Variants in ANK2 observed in about 807,000 individuals in gnomAD.
ANK2 encodes ankyrin-2.
ANK2 carries 83 observed loss-of-function variants against 360.5 expected under a neutral mutation model. That is an observed-to-expected ratio of 0.23 (90% CI 0.19 to 0.28). The LOEUF (loss-of-function observed/expected upper bound fraction) is 0.28. ANK2 is among the 10% of genes least tolerant of loss of function. ANK2 has a pLI of 1.00. For synonymous variants in ANK2, 1,740 were observed against 1,759.5 expected, an observed-to-expected ratio of 0.99 and a Z score of 0.28; for missense variants, 4,201 against 4,795.7, an observed-to-expected ratio of 0.88 and a Z score of 3.66.
chr4:113,278,565 A>G lies in ANK2; in HGVS notation c.1881+7A>G. On this transcript the variant is annotated splice_region_variant and intron_variant, in intron 17 of 45. Coordinates refer to ENST00000357077, the MANE Select transcript of ANK2 (RefSeq NM_001148.6). ...CCCTCATGCCACTGCCAAGGTGAGG[A>G]CCACAGAAAAGGATTTACAGGCATA... 6.2e-7 allele frequency: 1 copy of G among 1,613,380 alleles called. No homozygotes were observed. The highest frequency in any genetic ancestry group is 8.5e-7 in the Non-Finnish European group (1 of 1,179,370).
the ANK2 span, among the ~76,000 whole-genome samples, chr4:112,799,409 G>A: frequency 6.6e-6 from 1 of 151,996 alleles, no homozygotes; most frequent in Admixed American, 6.6e-5. Context: ...GTTTTCTAGG[G>A]TAGTGGCACC....
upstream of ANK2, chr4:113,049,589 C>T (rs956083759): frequency 1.5e-5 from 22 of 1,490,314 alleles, no homozygotes; most frequent in South Asian, 2.1e-4. Flanking sequence ...GCAACGTCAC[C>T]GTCCTTACCC....
At position 113,382,789 on chromosome 4, in the gene ANK2, G is replaced by A. The variant is rs1343638889; in HGVS notation, c.*1318G>A. The A allele has an allele frequency of 6.6e-6, 1 of 151,978 alleles. No homozygotes were observed. The highest frequency in any genetic ancestry group is 1.5e-5 in the Non-Finnish European group (1 of 68,004). The allele number at this position is 151,978 out of a possible 1,614,324, so 9.4% of individuals were successfully genotyped here. Reference sequence around the variant, plus strand: ...TGAGCACTTTTCACTTTCCAGCTAGGTCTGTTTTTCAGCTTGCAGACAAGA... The same window carrying A: ...TGAGCACTTTTCACTTTCCAGCTAGATCTGTTTTTCAGCTTGCAGACAAGA... On this transcript the variant is annotated 3_prime_UTR_variant, in exon 46 of 46. Coordinates refer to ENST00000357077, the MANE Select transcript of ANK2 (RefSeq NM_001148.6).
Position 112,823,246 on chromosome 4 carries a change from T to C in ANK2, c.-40+4982T>C, listed in dbSNP as rs987196631. Among the ~76,000 whole-genome samples the C allele has an allele frequency of 1.1e-3, 168 of 152,238 alleles. 1 individual carries two copies. Among genetic ancestry groups the C allele is most frequent in the African/African-American group, 4.0e-3 (165 of 41,460 alleles). On this transcript the variant is annotated intron_variant, in intron 1 of 30. Coordinates refer to the ANK2 transcript ENST00000503271. ...TTTCTACTGGTTGAGTGAGGGTATCTCTTCATTGTAGACATTAAACTGTAG... is the reference window on the plus strand; with the variant it reads ...TTTCTACTGGTTGAGTGAGGGTATCCCTTCATTGTAGACATTAAACTGTAG...
chr4:113,147,580 A>T (rs1872475), intron 1 of ANK2, among the ~76,000 whole-genome samples: 2,250 of 152,286 alleles, frequency 0.015, 70 homozygotes, highest in African/African-American at 0.052. Flanking sequence ...CTACCTTCAG[A>T]AATGATATTC....
the ANK2 span, chr4:112,797,450 C>T: frequency 6.3e-6 from 1 of 159,688 alleles, no homozygotes; most frequent in African/African-American, 2.4e-5. Flanking sequence ...GTAAGACTCC[C>T]TGGAGCAGTG....
At chr4:113,008,675 G>T (rs1204641949) in intron 2 of ANK2, among the ~76,000 whole-genome samples, 7 of 152,040 alleles carry the variant, frequency 4.6e-5, no homozygotes, top group African/African-American at 1.4e-4. Context: ...CTATTTGGAG[G>T]ACACAGGGGG....
chr4:112,915,533 T>C (rs2089448943), intron 2 of ANK2, among the ~76,000 whole-genome samples: 1 of 152,044 alleles, frequency 6.6e-6, no homozygotes, highest in Non-Finnish European at 1.5e-5. Context: ...GGTGGATCAC[T>C]TGAGTCCAGG....
the ANK2 span, among the ~76,000 whole-genome samples, chr4:112,806,119 A>G: frequency 1.3e-5 from 2 of 152,140 alleles, no homozygotes; most frequent in Admixed American, 6.6e-5. Context: ...ATTGTTGATT[A>G]TAGTAACCCT....
intron 1 of ANK2, among the ~76,000 whole-genome samples, chr4:113,059,632 G>A (rs2072094768): frequency 1.3e-5 from 2 of 151,958 alleles, no homozygotes; most frequent in Non-Finnish European, 2.9e-5. Context: ...TCAGAAATTG[G>A]CAACACTTTC....
intron 1 of ANK2, chr4:113,151,016 T>G: frequency 1.7e-6 from 2 of 1,208,964 alleles, no homozygotes. Context: ...AAAAAATGAA[T>G]GAATTAATGA....
At chr4:113,081,040 C>G (rs1212295593) in intron 1 of ANK2, among the ~76,000 whole-genome samples, 1 of 152,116 alleles carries the variant, frequency 6.6e-6, no homozygotes, top group African/African-American at 2.4e-5. Context: ...TTTTCAAGCT[C>G]TTCAAAGGCA....
chr4:112,731,492 G>A, the ANK2 span, among the ~76,000 whole-genome samples: 1 of 152,090 alleles, frequency 6.6e-6, no homozygotes, highest in African/African-American at 2.4e-5. Context: ...GGGAGGCTGA[G>A]GTGGGTAGAT....
chr4:113,156,330 G>A (rs1373615068), intron 1 of ANK2, among the ~76,000 whole-genome samples: 1 of 148,330 alleles, frequency 6.7e-6, no homozygotes, highest in East Asian at 2.0e-4. Flanking sequence ...CATCATGAAA[G>A]CATTACCTAC....
At chr4:113,102,021 T>C (rs1185516686) in intron 1 of ANK2, among the ~76,000 whole-genome samples, 1 of 152,098 alleles carries the variant, frequency 6.6e-6, no homozygotes, top group Non-Finnish European at 1.5e-5. Flanking sequence ...GCTTTGGAGT[T>C]GTTACTAAGT....
intron 2 of ANK2, among the ~76,000 whole-genome samples, chr4:112,908,477 A>G (rs893783051): frequency 2.0e-5 from 3 of 152,190 alleles, no homozygotes; most frequent in African/African-American, 7.2e-5. Context: ...GAGACATAGC[A>G]AGAAAAGGGC....
chr4:112,737,765 G>A, the ANK2 span, among the ~76,000 whole-genome samples: 1 of 152,148 alleles, frequency 6.6e-6, no homozygotes, highest in African/African-American at 2.4e-5. Flanking sequence ...TCCTGGCTTG[G>A]TAGTCGAAGG....
chr4:113,238,443 A>C (rs1231027140), intron 7 of ANK2, among the ~76,000 whole-genome samples: 1 of 152,158 alleles, frequency 6.6e-6, no homozygotes, highest in Non-Finnish European at 1.5e-5. Context: ...GCATTCTCAC[A>C]GGGTATACTT....
rs190120960 is a variant in ANK2 at position 113,249,386 on chromosome 4, C to T, written c.892-378C>T. Among the ~76,000 whole-genome samples, 154 of 152,296 alleles carry T rather than the reference C, an allele frequency of 1.0e-3. 1 individual carries two copies. The highest frequency in any genetic ancestry group is 2.2e-4 in the Non-Finnish European group (15 of 68,028). ...TATAACCTAATATAATCCCTGTTTTCGGTTCCAGGGAGTAGAGCTTTAAAT... is the reference window on the plus strand; with the variant it reads ...TATAACCTAATATAATCCCTGTTTTTGGTTCCAGGGAGTAGAGCTTTAAAT... On this transcript the variant is annotated intron_variant, in intron 9 of 45. Coordinates refer to ENST00000357077, the MANE Select transcript of ANK2 (RefSeq NM_001148.6).
Sources: gnomAD v4.1 joint callset for allele counts (sites outside exome capture counted in the v4.1 genomes callset) on GRCh38, gnomAD v4.1.1 for gene constraint, MANE v1.5 for transcripts, NCBI Gene and HGNC (gene_info 2026-07-23, HGNC 2026-07-21) for gene names.